Variants in GTF2IRD1 observed in about 807,000 individuals in gnomAD.
The protein encoded by GTF2IRD1 is general transcription factor II-I repeat domain-containing protein 1.
Under a neutral mutation model 113.2 loss-of-function variants are expected in GTF2IRD1, and 26 were observed. The observed-to-expected ratio is 0.23, with a 90% CI of 0.17 to 0.32. GTF2IRD1 has a LOEUF of 0.32. Among genes scored for constraint, GTF2IRD1 ranks in the 10% least tolerant of loss-of-function variants. The pLI is 1.00. For missense variants in GTF2IRD1, 864 were observed against 1,280.8 expected (o/e 0.67, Z 4.97); for synonymous variants, 484 against 529.1 (o/e 0.91, Z 1.17).
chr7:74,553,971 T>C (rs1799460489), intron 17 of GTF2IRD1, among the ~76,000 whole-genome samples: 1 of 152,152 alleles, frequency 6.6e-6, no homozygotes, highest in Non-Finnish European at 1.5e-5. Flanking sequence ...GCTCTGTGCC[T>C]GGCACTGTAC....
chr7:74,525,557 G>T (rs782569863), intron 8 of GTF2IRD1, among the ~76,000 whole-genome samples: 3 of 152,132 alleles, frequency 2.0e-5, no homozygotes, highest in Non-Finnish European at 2.9e-5. Flanking sequence ...TTCGAGACCA[G>T]CCTGGCCAAC....
intron 22 of GTF2IRD1, among the ~76,000 whole-genome samples, chr7:74,577,291 A>T (rs1801132589): frequency 6.6e-6 from 1 of 152,174 alleles, no homozygotes; most frequent in Admixed American, 6.6e-5. Context: ...CACCCGCCTC[A>T]GCCTCCCAAA....
rs782486223 is a variant in GTF2IRD1 at position 74,547,004 on chromosome 7, C to T, written c.1733-99C>T. The T allele has an allele frequency of 8.3e-6, 9 of 1,088,122 alleles. No homozygotes were observed. The Admixed American group carries it at 1.1e-4, about 13-fold the overall frequency. The allele number at this position is 1,088,122 out of a possible 1,614,324, so 67.4% of individuals were successfully genotyped here. ...GAAAGCTGGCAGGCCCTCAAAAGGG[C>T]TCTGGCAGCTTTGCCCCCCGACACA... is the stretch of plus-strand genomic sequence containing the variant. On this transcript the variant is annotated intron_variant, in intron 16 of 26. Coordinates refer to ENST00000424337, the MANE Select transcript of GTF2IRD1 (RefSeq NM_005685.4).
In GTF2IRD1 at chr7:74,572,782, C is replaced by T. The variant is rs587730380; in HGVS notation, c.2320+13127C>T. On this transcript the variant is annotated intron_variant, in intron 22 of 26. Transcript: ENST00000424337. ...GATATCACAATTCCAGCGCCAGCCA[C>T]ATGTTTCTCCACTGAATTATCTCTG... Among the ~76,000 whole-genome samples the T allele has an allele frequency of 3.3e-5, 5 of 152,238 alleles. No homozygotes were observed. The East Asian group carries it at 9.7e-4, about 29-fold the overall frequency.
chr7:74,469,541 G>A (rs564352974), intron 1 of GTF2IRD1, among the ~76,000 whole-genome samples: 25 of 152,108 alleles, frequency 1.6e-4, no homozygotes, highest in East Asian at 1.5e-3. Context: ...GTGGTCTTTC[G>A]AGTCTGGCCT....
At chr7:74,483,636 G>C (rs1475810597) in intron 1 of GTF2IRD1, among the ~76,000 whole-genome samples, 1 of 152,148 alleles carries the variant, frequency 6.6e-6, no homozygotes, top group Non-Finnish European at 1.5e-5. Context: ...CTGGAGTCCA[G>C]GAATTTGAGG....
At chr7:74,465,439 G>T (rs137893466) in intron 1 of GTF2IRD1, among the ~76,000 whole-genome samples, 165 of 152,328 alleles carry the variant, frequency 1.1e-3, no homozygotes, top group African/African-American at 3.8e-3. Flanking sequence ...TCAAATCCCA[G>T]CCTGACTGCT....
At chr7:74,575,842 G>A (rs1554364385) in intron 22 of GTF2IRD1, among the ~76,000 whole-genome samples, 2 of 152,132 alleles carry the variant, frequency 1.3e-5, no homozygotes, top group African/African-American at 4.8e-5. Flanking sequence ...CCAGGCTTGA[G>A]ATATGATTTG....
chr7:74,571,191 T>A, intron 22 of GTF2IRD1: 1 of 830,128 alleles, frequency 1.2e-6, no homozygotes, highest in Non-Finnish European at 1.5e-6. Flanking sequence ...CAGGCTTGCC[T>A]ACCTGGGCCT....
chr7:74,550,787 G>A (rs2130713758), intron 17 of GTF2IRD1, among the ~76,000 whole-genome samples: 1 of 152,034 alleles, frequency 6.6e-6, no homozygotes, highest in East Asian at 1.9e-4. Context: ...CCAGCACTTT[G>A]AGAGGACAAA....
chr7:74,562,767 A>G (rs1800057337), intron 22 of GTF2IRD1, among the ~76,000 whole-genome samples: 1 of 151,726 alleles, frequency 6.6e-6, no homozygotes, highest in Non-Finnish European at 1.5e-5. Context: ...TAACACAATG[A>G]AAGTCCAGGC....
At chr7:74,471,686 AAAACAAAAAAAAAAAC>A (rs1794105576) in intron 1 of GTF2IRD1, among the ~76,000 whole-genome samples, 1 of 73,312 alleles carries the variant, frequency 1.4e-5, no homozygotes, top group Non-Finnish European at 2.8e-5. Context: ...AAAAAAAAAA[AAAACAAAAAAAAAAAC>A]AAAAAAAACG....
rs1464231472 is a variant in GTF2IRD1 at position 74,555,771 on chromosome 7, G to A, written c.2023+277G>A. 1.4e-5 allele frequency among the ~76,000 whole-genome samples: 2 copies of A among 146,900 alleles called. No individual in the cohort carries two copies. Among genetic ancestry groups the A allele is most frequent in the Non-Finnish European group, 3.0e-5 (2 of 66,516 alleles). On this transcript the variant is annotated intron_variant, in intron 19 of 26. Transcript: ENST00000424337. The surrounding 1 kb of genome is among the most constrained non-coding windows in gnomAD (Gnocchi z 5.3). ...CCCACCCCCCAGAGGTAGCTGACAC[G>A]CCCACTCCTTTTTCAGCAATCAGCT...
intron 22 of GTF2IRD1, among the ~76,000 whole-genome samples, chr7:74,561,888 C>A (rs782700503): frequency 5.9e-5 from 9 of 152,150 alleles, no homozygotes; most frequent in Non-Finnish European, 1.3e-4. Context: ...GAGGGGGAGA[C>A]TGAGGCTCGG....
intron 17 of GTF2IRD1, among the ~76,000 whole-genome samples, chr7:74,547,673 A>C (rs1554353743): frequency 6.6e-6 from 1 of 151,116 alleles, no homozygotes. Context: ...TACCAACCTC[A>C]AGTGATCCGG....
intron 22 of GTF2IRD1, among the ~76,000 whole-genome samples, chr7:74,575,036 G>A (rs1252042292): frequency 1.3e-5 from 2 of 152,232 alleles, no homozygotes; most frequent in South Asian, 2.1e-4. Flanking sequence ...GTTGCAGTGA[G>A]CCGAGATTGC....
Position 74,496,573 on chromosome 7 carries a change from G to GGTGTGCATGT in GTF2IRD1, c.-6-11496_-6-11487dup, listed in dbSNP as rs58096264. 3.6e-5 allele frequency among the ~76,000 whole-genome samples: 5 copies of GGTGTGCATGT among 138,714 alleles called. No homozygotes were observed. In the South Asian group the frequency reaches 9.6e-4, roughly 27 times the overall value. The allele number at this position is 138,714 out of a possible 152,430, so 91.0% of individuals were successfully genotyped here. On this transcript the variant is annotated intron_variant, in intron 1 of 26. Transcript: ENST00000424337. ...TGCGTTTGGGGGGTGTACATGTGTGGGTGTGCATGTGTGTGGGTGGGTGTG... is the reference window on the plus strand; with the variant it reads ...TGCGTTTGGGGGGTGTACATGTGTGGGTGTGCATGTGTGTGCATGTGTGTGGGTGGGTGTG...
intron 1 of GTF2IRD1, among the ~76,000 whole-genome samples, chr7:74,457,340 A>G (rs1029680788): frequency 1.3e-5 from 2 of 152,086 alleles, no homozygotes; most frequent in Non-Finnish European, 2.9e-5. Context: ...AGATGTTTAC[A>G]TCTCTCTCCC....
intron 1 of GTF2IRD1, among the ~76,000 whole-genome samples, chr7:74,485,578 C>G (rs1263496536): frequency 2.7e-5 from 4 of 150,366 alleles, no homozygotes; most frequent in Non-Finnish European, 5.9e-5. Context: ...GATAGTGCCA[C>G]TGCAGTCTGG....
Sources: gnomAD v4.1 joint callset for allele counts (sites outside exome capture counted in the v4.1 genomes callset) on GRCh38, gnomAD v4.1.1 for gene constraint, Gnocchi (gnomAD v3.1) non-coding constraint, MANE v1.5 for transcripts, NCBI Gene and HGNC (gene_info 2026-07-23, HGNC 2026-07-21) for gene names.